The following DCAF6 variants were observed in gnomAD, a reference collection of about 807,000 sequenced individuals.
The protein encoded by DCAF6 is DDB1 and CUL4 associated factor 6, also known as DDB1- and CUL4-associated factor 6.
In DCAF6, 54 loss-of-function variants were observed where a neutral mutation model predicts 125.1. The ratio of observed to expected loss-of-function variants is 0.43; its 90% CI spans 0.35 to 0.54. The LOEUF is 0.54. Ranked by LOEUF, DCAF6 falls within the 20% of genes least tolerant of loss-of-function variation. The pLI is 0.01. For missense variants in DCAF6, 934 were observed against 1,161.7 expected, an observed-to-expected ratio of 0.80 and a Z score of 2.85; for synonymous variants, 371 against 390.4, an observed-to-expected ratio of 0.95 and a Z score of 0.58.
chr1:167,984,423 A>G (rs1571801607), intron 4 of DCAF6, among the ~76,000 whole-genome samples: 1 of 152,232 alleles, frequency 6.6e-6, no homozygotes. Flanking sequence ...TACAGCTCAT[A>G]GTTCATTAAT....
the DCAF6 span, among the ~76,000 whole-genome samples, chr1:167,885,953 G>T: frequency 2.0e-5 from 3 of 152,008 alleles, no homozygotes; most frequent in African/African-American, 7.3e-5. Flanking sequence ...CAGATTATTA[G>T]ATTTTTTTCT....
chr1:167,925,520 GT>G, the DCAF6 span, among the ~76,000 whole-genome samples: 45 of 71,920 alleles, frequency 6.3e-4, no homozygotes, highest in Middle Eastern at 0.012. Context: ...TACAAACAAC[GT>G]TTTTTTTTTT....
At chr1:168,064,914 A>G (rs1182884921) in intron 18 of DCAF6, among the ~76,000 whole-genome samples, 1 of 152,222 alleles carries the variant, frequency 6.6e-6, no homozygotes, top group Non-Finnish European at 1.5e-5. Context: ...GCTTCATAAA[A>G]TTAAGTATGT....
chr1:167,928,296 CGA>C, the DCAF6 span, among the ~76,000 whole-genome samples: 1 of 147,486 alleles, frequency 6.8e-6, no homozygotes, highest in Non-Finnish European at 1.5e-5. Context: ...TGCAGTGAGC[CGA>C]GATCGCACCA....
intron 14 of DCAF6, among the ~76,000 whole-genome samples, chr1:168,043,555 C>T (rs985800453): frequency 7.2e-5 from 11 of 152,176 alleles, no homozygotes; most frequent in African/African-American, 2.4e-4. Flanking sequence ...CCTGAAGTGC[C>T]ACTTAAGGGA....
intron 12 of DCAF6, among the ~76,000 whole-genome samples, chr1:168,034,026 C>G (rs1687485580): frequency 6.6e-6 from 1 of 152,144 alleles, no homozygotes; most frequent in Admixed American, 6.5e-5. Context: ...TACTATGATG[C>G]CAAAGTGATA....
At chr1:167,869,788 ACCT>A in the DCAF6 span, among the ~76,000 whole-genome samples, 5 of 151,520 alleles carry the variant, frequency 3.3e-5, no homozygotes, top group Non-Finnish European at 5.9e-5. Flanking sequence ...GAAGTTGAGC[ACCT>A]TGACGAGCTC....
chr1:167,986,827 C>A (rs565168775), intron 4 of DCAF6, among the ~76,000 whole-genome samples: 94 of 152,068 alleles, frequency 6.2e-4, no homozygotes, highest in Non-Finnish European at 1.1e-3. Flanking sequence ...CTTATTGAGG[C>A]AGGGTTTATA....
chr1:168,050,833 A>G, intron 16 of DCAF6, 59 bp from the exon 17 acceptor site: 1 of 1,016,032 alleles, frequency 9.8e-7, no homozygotes, highest in Non-Finnish European at 1.3e-6. Flanking sequence ...TAATGCTTTA[A>G]ATATTTGGTT....
the DCAF6 span, among the ~76,000 whole-genome samples, chr1:167,896,418 G>A: frequency 6.6e-6 from 1 of 152,074 alleles, no homozygotes. Context: ...GGTGTGGGGA[G>A]TGTCATACTT....
At chr1:167,875,146 C>A in the DCAF6 span, 22 of 1,614,036 alleles carry the variant, frequency 1.4e-5, 1 homozygote, top group South Asian at 2.2e-4. Context: ...AAAGGGTAAT[C>A]CTCCTTTCTG....
chr1:167,986,227 C>T (rs201164669), intron 4 of DCAF6, among the ~76,000 whole-genome samples: 1 of 152,158 alleles, frequency 6.6e-6, no homozygotes, highest in Admixed American at 6.5e-5. Context: ...TTTAGTGGAA[C>T]TGCTGGGTTA....
chr1:167,897,453 T>C, the DCAF6 span, among the ~76,000 whole-genome samples: 2 of 150,128 alleles, frequency 1.3e-5, no homozygotes, highest in Non-Finnish European at 3.0e-5. Flanking sequence ...GCTGAGATCA[T>C]GCCACCTCAC....
At chr1:167,914,845 G>A in the DCAF6 span, among the ~76,000 whole-genome samples, 67 of 152,282 alleles carry the variant, frequency 4.4e-4, no homozygotes, top group African/African-American at 1.1e-3. Context: ...ATAAAGCCCC[G>A]CTCTGTAATT....
intron 17 of DCAF6, among the ~76,000 whole-genome samples, chr1:168,060,656 C>T (rs1001141161): frequency 2.0e-5 from 3 of 152,150 alleles, no homozygotes; most frequent in Non-Finnish European, 4.4e-5. Flanking sequence ...CTTTGGGAAG[C>T]TGAGGTGGGT....
intron 1 of DCAF6, among the ~76,000 whole-genome samples, chr1:167,945,467 G>A (rs992454498): frequency 2.6e-5 from 4 of 152,018 alleles, no homozygotes; most frequent in African/African-American, 9.7e-5. Flanking sequence ...GTGTGTGTGT[G>A]TATGTGTGTG....
At chr1:167,896,947 A>G in the DCAF6 span, among the ~76,000 whole-genome samples, 4 of 152,310 alleles carry the variant, frequency 2.6e-5, no homozygotes, top group Admixed American at 6.5e-5. Context: ...CTAATCTTAT[A>G]CTTTTCTGCC....
intron 3 of DCAF6, among the ~76,000 whole-genome samples, chr1:167,969,024 A>T (rs968150712): frequency 2.6e-5 from 4 of 152,170 alleles, no homozygotes; most frequent in Non-Finnish European, 5.9e-5. Context: ...TGATTACTAT[A>T]ATGGCAAATA....
intron 2 of DCAF6, among the ~76,000 whole-genome samples, chr1:167,954,196 G>A (rs1227389550): frequency 2.0e-5 from 3 of 151,932 alleles, no homozygotes; most frequent in Non-Finnish European, 2.9e-5. Flanking sequence ...AGTAGAGACG[G>A]GGTTTCGCCG....
Sources: gnomAD v4.1 joint callset for allele counts (sites outside exome capture counted in the v4.1 genomes callset) on GRCh38, gnomAD v4.1.1 for gene constraint, MANE v1.5 for transcripts, NCBI Gene and HGNC (gene_info 2026-07-23, HGNC 2026-07-21) for gene names.